ANKRD28: variants seen among roughly 807,000 people sequenced by gnomAD.
The protein encoded by ANKRD28 is ankyrin repeat domain 28.
Under a neutral mutation model 126.5 loss-of-function variants are expected in ANKRD28, and 44 were observed. The ratio of observed to expected loss-of-function variants is 0.35; its 90% CI spans 0.27 to 0.45. The LOEUF (loss-of-function observed/expected upper bound fraction) is 0.45, where lower values mean the gene tolerates loss of function less well. Among genes scored for constraint, ANKRD28 ranks in the 20% least tolerant of loss-of-function variants. The pLI is 1.00. For missense variants in ANKRD28, 1,110 were observed against 1,316.6 expected, an observed-to-expected ratio of 0.84 and a Z score of 2.43; for synonymous variants, 442 against 468.5, an observed-to-expected ratio of 0.94 and a Z score of 0.73.
At chr3:15,746,758 T>A (rs1292093038) in intron 4 of ANKRD28, among the ~76,000 whole-genome samples, 1 of 152,226 alleles carries the variant, frequency 6.6e-6, no homozygotes, top group Non-Finnish European at 1.5e-5. Flanking sequence ...TGGAAAAGTA[T>A]CAATAGGACT....
chr3:15,783,277 G>C (rs1373832083), intron 2 of ANKRD28, among the ~76,000 whole-genome samples: 1 of 151,822 alleles, frequency 6.6e-6, no homozygotes, highest in Non-Finnish European at 1.5e-5. Context: ...TAAATGGACT[G>C]ACAAGATCAC....
chr3:15,740,319 T>C (rs1455326957), intron 4 of ANKRD28, among the ~76,000 whole-genome samples: 1 of 152,160 alleles, frequency 6.6e-6, no homozygotes, highest in African/African-American at 2.4e-5. Flanking sequence ...GTGTATACAT[T>C]TGGCAAAACT....
intron 1 of ANKRD28, among the ~76,000 whole-genome samples, chr3:15,840,915 C>T (rs112899450): frequency 0.019 from 2,918 of 152,092 alleles, 96 homozygotes; most frequent in African/African-American, 0.066. Context: ...CCGAGGTGGG[C>T]GGATCACTTG....
chr3:15,850,787 T>A (rs994071029), intron 1 of ANKRD28, among the ~76,000 whole-genome samples: 7 of 152,192 alleles, frequency 4.6e-5, no homozygotes. Context: ...TTCCCTGAGT[T>A]CTGTGAACTG....
At chr3:15,752,303 T>C (rs1166229105) in intron 3 of ANKRD28, among the ~76,000 whole-genome samples, 2 of 152,138 alleles carry the variant, frequency 1.3e-5, no homozygotes, top group South Asian at 2.1e-4. Flanking sequence ...TTGTATAAGA[T>C]AGAAACAATG....
Position 15,812,955 on chromosome 3 carries a change from A to T in ANKRD28, c.28-17649T>A, listed in dbSNP as rs921743720. Among the ~76,000 whole-genome samples the T allele has an allele frequency of 6.6e-6, 1 of 152,176 alleles. No individual in the cohort carries two copies. The highest frequency in any genetic ancestry group is 2.4e-5 in the African/African-American group (1 of 41,442). On this transcript the variant is annotated intron_variant, in intron 1 of 27. Coordinates refer to the ANKRD28 transcript ENST00000399451. The surrounding 1 kb of genome is among the most constrained non-coding windows in gnomAD (Gnocchi z 4.1). ...CCAATTTGAAGAAAACAATCAGGTA[A>T]ACGGTGTGTTCCCAATAATCTACCC...
chr3:15,711,323 T>C (rs2455833), intron 11 of ANKRD28, 49 bp from the exon 12 acceptor site: 809,193 of 1,432,500 alleles, frequency 0.56, 238,150 homozygotes, highest in Admixed American at 0.62. Flanking sequence ...TATTTTACAC[T>C]AAAGAATTGT....
chr3:15,766,387 C>A (rs2058737958), intron 2 of ANKRD28, 75 bp from the exon 3 acceptor site: 19 of 1,030,824 alleles, frequency 1.8e-5, no homozygotes, highest in Admixed American at 4.2e-5. Flanking sequence ...ATAACCACAA[C>A]AACAACCCCT....
At chr3:15,749,915 G>A (rs180864913) in intron 4 of ANKRD28, among the ~76,000 whole-genome samples, 89 of 152,280 alleles carry the variant, frequency 5.8e-4, no homozygotes, top group Middle Eastern at 3.4e-3. Context: ...GGAGTGAAGC[G>A]GACTCTGAGG....
At chr3:15,724,954 G>A (rs986465716) in intron 6 of ANKRD28, among the ~76,000 whole-genome samples, 7 of 152,086 alleles carry the variant, frequency 4.6e-5, no homozygotes, top group Admixed American at 6.6e-5. Context: ...GCACTCCAGG[G>A]TGGGCAATGG....
intron 9 of ANKRD28, 27 bp downstream of exon 9, chr3:15,714,541 AAAAAAACCCC>A: frequency 1.3e-6 from 2 of 1,482,000 alleles, no homozygotes; most frequent in East Asian, 2.4e-5. Context: ...AGAAAAAAAA[AAAAAAACCCC>A]AAAAAAAAAA....
chr3:15,690,167 A>T lies in ANKRD28; in HGVS notation c.1815T>A (p.Asp605Glu). 6.2e-7 allele frequency: 1 copy of T among 1,609,116 alleles called. No homozygotes were observed. The highest frequency in any genetic ancestry group is 1.1e-5 in the South Asian group (1 of 89,802). The change falls in exon 18 of 28, where the codon GAT becomes GAA. Residue 605 changes from aspartate to glutamate, a missense_variant. Physicochemically the swap from Asp to Glu is conservative, Grantham distance 45. Coordinates refer to ENST00000683139, the MANE Select transcript of ANKRD28 (RefSeq NM_001349278.2). ...ALEVLVQSLL[D>E]LDVRNSSGRT... ...TTCCACTACTATTTCTGACATCAAG[A>T]TCTAACAAAGACTGTACCAACACTT...
intron 4 of ANKRD28, among the ~76,000 whole-genome samples, chr3:15,748,051 T>C (rs1404388237): frequency 6.6e-6 from 1 of 152,204 alleles, no homozygotes; most frequent in Non-Finnish European, 1.5e-5. Context: ...GGAGTATCTT[T>C]TTCTACCCCT....
intron 1 of ANKRD28, among the ~76,000 whole-genome samples, chr3:15,834,341 G>C (rs1193624916): frequency 1.3e-5 from 2 of 152,010 alleles, no homozygotes; most frequent in African/African-American, 4.8e-5. Context: ...GTATATTCTT[G>C]TTGATGATTA....
intron 2 of ANKRD28, among the ~76,000 whole-genome samples, chr3:15,772,120 AAAG>A (rs1351166689): frequency 3.3e-5 from 5 of 152,190 alleles, no homozygotes; most frequent in Non-Finnish European, 5.9e-5. Flanking sequence ...TTGTATCAGA[AAAG>A]AAGGTCTTAA....
chr3:15,782,783 A>T (rs1390844270), intron 2 of ANKRD28, among the ~76,000 whole-genome samples: 1 of 152,116 alleles, frequency 6.6e-6, no homozygotes, highest in Non-Finnish European at 1.5e-5. Flanking sequence ...TCATTTGTAC[A>T]AGCAGATCAG....
Position 15,675,930 on chromosome 3 carries a change from T to G in ANKRD28, c.2933A>C (p.Lys978Thr). The G allele has an allele frequency of 6.2e-7, 1 of 1,613,068 alleles. No homozygotes were observed. Among genetic ancestry groups the G allele is most frequent in the Non-Finnish European group, 8.5e-7 (1 of 1,179,218 alleles). ...ATCTACTGCAAGCACACTTGCTCCT[T>G]TTCCCAAAAGTTCCTGAACCACCAT... ...LTMVVQELLGKGASVLAVDEN... is the reference protein window; with the variant it reads ...LTMVVQELLGTGASVLAVDEN... The change falls in exon 27 of 28, where the codon AAA becomes ACA. Residue 978 changes from lysine to threonine, a missense_variant. Transcript: ENST00000683139.
chr3:15,683,056 T>C (rs920716505), intron 21 of ANKRD28, among the ~76,000 whole-genome samples: 6 of 152,190 alleles, frequency 3.9e-5, no homozygotes, highest in East Asian at 3.8e-4. Flanking sequence ...GTTCTACATA[T>C]AGATCTGATA....
rs1415158010 is a variant in ANKRD28, at chr3:15,812,946, A to C, written c.28-17640T>G. Among the ~76,000 whole-genome samples, 1 of 152,226 alleles carries C rather than the reference A, an allele frequency of 6.6e-6. No homozygotes were observed. Among genetic ancestry groups the C allele is most frequent in the Non-Finnish European group, 1.5e-5 (1 of 68,044 alleles). On this transcript the variant is annotated intron_variant, in intron 1 of 27. Coordinates refer to the ANKRD28 transcript ENST00000399451. This position sits in a 1 kb window ranked among gnomAD's most constrained non-coding sequence, Gnocchi z 4.1. Reference sequence around the variant, plus strand: ...CGATTCACTCCAATTTGAAGAAAACAATCAGGTAAACGGTGTGTTCCCAAT... The same window carrying C: ...CGATTCACTCCAATTTGAAGAAAACCATCAGGTAAACGGTGTGTTCCCAAT...
Sources: allele counts gnomAD v4.1 joint callset (sites outside exome capture counted in the v4.1 genomes callset), GRCh38; gene constraint gnomAD v4.1.1; non-coding constraint Gnocchi (gnomAD v3.1); transcripts MANE v1.5; gene names NCBI Gene and HGNC (gene_info 2026-07-23, HGNC 2026-07-21).